The following SGCZ variants were observed in gnomAD, a reference collection of about 807,000 sequenced individuals.
The protein encoded by SGCZ is sarcoglycan zeta.
In SGCZ, 40 loss-of-function variants were observed where a neutral mutation model predicts 41.3. The ratio of observed to expected loss-of-function variants is 0.97; its 90% CI spans 0.75 to 1.26. The LOEUF is 1.26. Ranked by LOEUF, SGCZ falls within the 50% of genes most tolerant of loss-of-function variation. The probability of loss-of-function intolerance (pLI) is 0.00; values close to 1 mark genes in which losing one functional copy is unlikely to be tolerated. For synonymous variants in SGCZ, 206 were observed against 137.5 expected (o/e 1.50, Z -3.49); for missense variants, 552 against 369.8 (o/e 1.49, Z -4.04).
At chr8:14,128,772 A>G (rs570861317) in intron 5 of SGCZ, among the ~76,000 whole-genome samples, 215 of 152,260 alleles carry the variant, frequency 1.4e-3, no homozygotes, top group African/African-American at 4.9e-3. Context: ...AAAAAAGAAT[A>G]AAATCATGTA....
intron 2 of SGCZ, among the ~76,000 whole-genome samples, chr8:14,547,857 T>C (rs1803678655): frequency 6.6e-6 from 1 of 152,174 alleles, no homozygotes; most frequent in African/African-American, 2.4e-5. Context: ...GTTAATATCA[T>C]CTGGATTTAC....
At chr8:14,960,922 A>T (rs1454007183) in intron 1 of SGCZ, among the ~76,000 whole-genome samples, 1 of 130,316 alleles carries the variant, frequency 7.7e-6, no homozygotes, top group Non-Finnish European at 1.6e-5. Flanking sequence ...TTTCTACTGC[A>T]AGGAAATGGC....
chr8:14,187,838 T>C (rs1007421835), intron 4 of SGCZ, among the ~76,000 whole-genome samples: 1 of 151,968 alleles, frequency 6.6e-6, no homozygotes, highest in African/African-American at 2.4e-5. Flanking sequence ...TTCAGAAAAC[T>C]CAGAGAAATT....
chr8:14,787,246 C>G (rs1261962676), intron 1 of SGCZ, among the ~76,000 whole-genome samples: 1 of 152,068 alleles, frequency 6.6e-6, no homozygotes, highest in African/African-American at 2.4e-5. Context: ...AATGTCAGCA[C>G]AAGACAATGA....
intron 1 of SGCZ, among the ~76,000 whole-genome samples, chr8:14,899,811 G>A (rs1358790741): frequency 6.6e-6 from 1 of 151,878 alleles, no homozygotes; most frequent in African/African-American, 2.4e-5. Context: ...GGAGAAAAGT[G>A]AAAAGAAAGA....
At chr8:14,321,699 A>T (rs2117026270) in intron 3 of SGCZ, among the ~76,000 whole-genome samples, 1 of 152,252 alleles carries the variant, frequency 6.6e-6, no homozygotes, top group East Asian at 1.9e-4. Context: ...AGCTTCACTG[A>T]ATCTTCCAAA....
chr8:14,243,134 T>C (rs1187272141), intron 3 of SGCZ, among the ~76,000 whole-genome samples: 3 of 152,234 alleles, frequency 2.0e-5, no homozygotes, highest in Admixed American at 6.5e-5. Flanking sequence ...GTATTGCCTA[T>C]GCAAATCTCC....
chr8:14,386,674 G>A (rs993887030), intron 2 of SGCZ, among the ~76,000 whole-genome samples: 1 of 152,032 alleles, frequency 6.6e-6, no homozygotes. Flanking sequence ...CAATTATAAA[G>A]CTTTAATCAT....
chr8:15,043,028 C>G (rs1333641083), intron 1 of SGCZ, among the ~76,000 whole-genome samples: 1 of 152,172 alleles, frequency 6.6e-6, no homozygotes, highest in Non-Finnish European at 1.5e-5. Flanking sequence ...TCCCTCACCA[C>G]CTAACCTTTA....
intron 3 of SGCZ, among the ~76,000 whole-genome samples, chr8:14,245,406 A>C (rs1307344890): frequency 6.6e-6 from 1 of 152,214 alleles, no homozygotes; most frequent in Non-Finnish European, 1.5e-5. Flanking sequence ...AGAAAGCTGA[A>C]ACTGCATCCC....
At chr8:14,439,386 T>G (rs1800183410) in intron 2 of SGCZ, among the ~76,000 whole-genome samples, 1 of 150,820 alleles carries the variant, frequency 6.6e-6, no homozygotes, top group Non-Finnish European at 1.5e-5. Flanking sequence ...TAACAAATTT[T>G]ACACAATTTC....
chr8:14,420,651 T>C (rs1377495087), intron 2 of SGCZ, among the ~76,000 whole-genome samples: 1 of 152,088 alleles, frequency 6.6e-6, no homozygotes, highest in Non-Finnish European at 1.5e-5. Flanking sequence ...CATTAGATCC[T>C]GTTCAGCAAT....
In SGCZ at chr8:14,804,673, G is replaced by C. The variant is rs867645663; in HGVS notation, c.40-249747C>G. Among the ~76,000 whole-genome samples, 53 of 139,198 alleles carry C rather than the reference G, an allele frequency of 3.8e-4. 1 individual carries two copies. The Middle Eastern group carries it at 0.011, about 30-fold the overall frequency. 91.3% of individuals were successfully genotyped at this position (139,198 alleles called of 152,430 possible). On this transcript the variant is annotated intron_variant, in intron 1 of 7. Transcript: ENST00000382080. ...ACACTCTACAGGATATTATCCAGGA[G>C]AACTTCCCCAATCTAGCAAGGCAGG...
chr8:14,634,493 A>G (rs1244730708), intron 1 of SGCZ, among the ~76,000 whole-genome samples: 1 of 151,890 alleles, frequency 6.6e-6, no homozygotes, highest in Non-Finnish European at 1.5e-5. Flanking sequence ...GTTATTGCAG[A>G]AAAATACTAA....
rs181590489 is a variant in SGCZ, at chr8:14,095,250, G to A, written c.745-4613C>T. ...CCTAAGTTTTCTTCTAGGGTTTTAC[G>A]GTTTAGGTATTATGTTTAAGTTTTT... On this transcript the variant is annotated intron_variant, in intron 7 of 7. Transcript: ENST00000382080. Among the ~76,000 whole-genome samples, 345 of 152,044 alleles carry A rather than the reference G, an allele frequency of 2.3e-3. 3 individuals carry two copies. In the East Asian group the frequency reaches 0.029, roughly 13 times the overall value.
intron 1 of SGCZ, among the ~76,000 whole-genome samples, chr8:14,898,010 TA>T (rs1805265235): frequency 6.6e-6 from 1 of 152,208 alleles, no homozygotes; most frequent in Non-Finnish European, 1.5e-5. Flanking sequence ...TATTATTTTA[TA>T]GTTGATTTAC....
intron 2 of SGCZ, among the ~76,000 whole-genome samples, chr8:14,349,289 C>G (rs1803004896): frequency 6.6e-6 from 1 of 152,054 alleles, no homozygotes; most frequent in South Asian, 2.1e-4. Flanking sequence ...AACTCCTCAC[C>G]TATAAACTAT....
intron 1 of SGCZ, among the ~76,000 whole-genome samples, chr8:15,220,955 T>G (rs908743076): frequency 6.6e-6 from 1 of 151,966 alleles, no homozygotes; most frequent in Admixed American, 6.6e-5. Context: ...TGGGTGGGAA[T>G]TGAACAATGA....
intron 3 of SGCZ, among the ~76,000 whole-genome samples, chr8:14,322,217 G>T (rs1300798021): frequency 6.6e-6 from 1 of 152,096 alleles, no homozygotes. Flanking sequence ...CAGATTTCCT[G>T]TCTGGCTACC....
Sources: allele counts gnomAD v4.1 joint callset (sites outside exome capture counted in the v4.1 genomes callset), GRCh38; gene constraint gnomAD v4.1.1; transcripts MANE v1.5; gene names NCBI Gene and HGNC (gene_info 2026-07-23, HGNC 2026-07-21).